The following GAB2 variants were observed in gnomAD, a reference collection of about 807,000 sequenced individuals.
GAB2 encodes the protein GRB2-associated-binding protein 2.
In GAB2, 26 loss-of-function variants were observed where a neutral mutation model predicts 65.5. The observed-to-expected ratio is 0.40, with a 90% CI of 0.29 to 0.55. The LOEUF is 0.55. GAB2 is among the 20% of genes least tolerant of loss of function. GAB2 has a pLI of 0.53. For missense variants in GAB2, 884 were observed against 875.8 expected, an observed-to-expected ratio of 1.01 and a Z score of -0.12; for synonymous variants, 321 against 329.6, an observed-to-expected ratio of 0.97 and a Z score of 0.28.
intron 1 of GAB2, among the ~76,000 whole-genome samples, chr11:78,401,505 C>CGTGTGTGTGTGTGTGTGT (rs34474918): frequency 8.0e-6 from 1 of 124,936 alleles, no homozygotes; most frequent in African/African-American, 3.0e-5. Flanking sequence ...GAACAGTATT[C>CGTGTGTGTGTGTGTGTGT]GTGTGTGTGT....
chr11:78,302,481 G>A (rs890459053), intron 1 of GAB2, among the ~76,000 whole-genome samples: 8 of 151,788 alleles, frequency 5.3e-5, no homozygotes, highest in South Asian at 2.1e-4. Context: ...ACCACAAAGC[G>A]ATACCACCTT....
At chr11:78,370,547 G>C (rs563744527) in intron 1 of GAB2, among the ~76,000 whole-genome samples, 1 of 152,222 alleles carries the variant, frequency 6.6e-6, no homozygotes, top group South Asian at 2.1e-4. Flanking sequence ...CAATCTCAGA[G>C]CAGAGAGTGG....
chr11:78,398,607 T>C (rs1856931988), intron 1 of GAB2, among the ~76,000 whole-genome samples: 2 of 152,186 alleles, frequency 1.3e-5, no homozygotes, highest in African/African-American at 2.4e-5. Context: ...ACTATGTAGA[T>C]ATAAGTGAAA....
At chr11:78,347,518 G>A (rs987387160) in intron 1 of GAB2, among the ~76,000 whole-genome samples, 1 of 152,104 alleles carries the variant, frequency 6.6e-6, no homozygotes. Flanking sequence ...TTAAAATAAG[G>A]ATAATTATCT....
intron 1 of GAB2, among the ~76,000 whole-genome samples, chr11:78,401,505 CGT>C (rs34474918): frequency 0.046 from 5,777 of 124,848 alleles, 141 homozygotes; most frequent in Middle Eastern, 0.06. Flanking sequence ...GAACAGTATT[CGT>C]GTGTGTGTGT....
chr11:78,231,207 GA>G (rs1438136526), intron 3 of GAB2, among the ~76,000 whole-genome samples: 3 of 152,226 alleles, frequency 2.0e-5, no homozygotes, highest in African/African-American at 7.2e-5. Context: ...AAGTTTGAGA[GA>G]AGATATTCCC....
intron 1 of GAB2, among the ~76,000 whole-genome samples, chr11:78,302,347 C>T (rs1313540306): frequency 6.6e-6 from 1 of 152,000 alleles, no homozygotes; most frequent in Non-Finnish European, 1.5e-5. Flanking sequence ...AAGAAAAAAA[C>T]AATCTCATCA....
At chr11:78,407,715 C>T (rs528579613) in intron 1 of GAB2, among the ~76,000 whole-genome samples, 9 of 90,724 alleles carry the variant, frequency 9.9e-5, no homozygotes, top group East Asian at 5.9e-4. Context: ...TGGCATTTTC[C>T]GTCCCAAAAA....
intron 1 of GAB2, among the ~76,000 whole-genome samples, chr11:78,397,728 C>G (rs1437187715): frequency 6.6e-6 from 1 of 152,112 alleles, no homozygotes; most frequent in Admixed American, 6.5e-5. Context: ...GCAGTACATT[C>G]TACATTCAAG....
intron 6 of GAB2, among the ~76,000 whole-genome samples, chr11:78,222,644 G>A (rs867712469): frequency 2.6e-5 from 4 of 151,742 alleles, no homozygotes; most frequent in Non-Finnish European, 2.9e-5. Context: ...GTGCAGCGGC[G>A]CAATCTCAGC....
At chr11:78,309,976 G>GCA (rs1565153943) in intron 1 of GAB2, among the ~76,000 whole-genome samples, 8 of 148,042 alleles carry the variant, frequency 5.4e-5, no homozygotes, top group African/African-American at 2.1e-4. Context: ...GTGTGTGCGC[G>GCA]CGCGCCTGTG....
At chr11:78,395,882 G>T (rs1856889466) in intron 1 of GAB2, among the ~76,000 whole-genome samples, 1 of 152,148 alleles carries the variant, frequency 6.6e-6, no homozygotes, top group Non-Finnish European at 1.5e-5. Flanking sequence ...TGCTTTTTAT[G>T]ATTACATGAG....
Position 78,223,573 on chromosome 11 carries a change from C to T in GAB2, c.1406G>A (p.Gly469Asp). The T allele has an allele frequency of 1.9e-6, 3 of 1,613,800 alleles. No homozygotes were observed. Among genetic ancestry groups the T allele is most frequent in the Non-Finnish European group, 2.5e-6 (3 of 1,179,878 alleles). ...SSTLLAMERA[G>D]DNSQSVYIPM... ...GATGTAGACGCTCTGGGAATTATCA[C>T]CTGCTCGTTCCATGGCCAACAGGGT... Residue 469 changes from glycine to aspartate, a missense_variant, in exon 6 of 10, where the codon GGT (glycine) becomes GAT (aspartate). Coordinates refer to ENST00000361507, the MANE Select transcript of GAB2 (RefSeq NM_080491.3).
At position 78,222,063 on chromosome 11, in the gene GAB2, T is replaced by C. The variant is rs754796825; in HGVS notation, c.1658+42A>G. On this transcript the variant is annotated intron_variant, in intron 7 of 9. Transcript: ENST00000361507. ...CTACCACATCACTCATTTTCCCTAA[T>C]GGCCCGACTCCAAGCTCCCACCCCC... 6 of 1,303,768 alleles carry C rather than the reference T, an allele frequency of 4.6e-6. No individual in the cohort carries two copies. In the South Asian group the frequency reaches 5.9e-5, roughly 13 times the overall value. The allele number at this position is 1,303,768 out of a possible 1,614,324, so 80.8% of individuals were successfully genotyped here.
chr11:78,264,933 G>GC (rs1033601992), intron 2 of GAB2, among the ~76,000 whole-genome samples: 1 of 152,046 alleles, frequency 6.6e-6, no homozygotes, highest in African/African-American at 2.4e-5. Flanking sequence ...CACAGAGAAG[G>GC]CAGCAACAAG....
intron 2 of GAB2, among the ~76,000 whole-genome samples, chr11:78,274,717 C>T (rs552247831): frequency 1.3e-5 from 2 of 152,134 alleles, no homozygotes; most frequent in Non-Finnish European, 2.9e-5. Flanking sequence ...ATATTCTAGA[C>T]CAAGGACTTT....
chr11:78,379,567 C>T (rs947291716), intron 1 of GAB2, among the ~76,000 whole-genome samples: 1 of 152,214 alleles, frequency 6.6e-6, no homozygotes, highest in Non-Finnish European at 1.5e-5. Flanking sequence ...GATACCTTCA[C>T]CATCCTATGA....
chr11:78,301,322 A>G (rs1267639480), intron 1 of GAB2, among the ~76,000 whole-genome samples: 1 of 146,690 alleles, frequency 6.8e-6, no homozygotes, highest in Non-Finnish European at 1.5e-5. Context: ...TCTTAGTGGT[A>G]TCTTGTGGTT....
chr11:78,358,793 C>A (rs536949086), intron 1 of GAB2, among the ~76,000 whole-genome samples: 17 of 151,978 alleles, frequency 1.1e-4, no homozygotes, highest in Non-Finnish European at 1.9e-4. Flanking sequence ...AAACTGATGA[C>A]AGAATCGTAT....
Sources: gnomAD v4.1 joint callset for allele counts (sites outside exome capture counted in the v4.1 genomes callset) on GRCh38, gnomAD v4.1.1 for gene constraint, MANE v1.5 for transcripts, NCBI Gene and HGNC (gene_info 2026-07-23, HGNC 2026-07-21) for gene names.